GRAMD2B: variants seen among roughly 807,000 people sequenced by gnomAD.
GRAMD2B encodes the protein GRAM domain-containing protein 2B.
In GRAMD2B, 41 loss-of-function variants were observed where a neutral mutation model predicts 59.2. The observed-to-expected ratio is 0.69, with a 90% CI of 0.54 to 0.90. GRAMD2B has a LOEUF of 0.90. Among genes scored for constraint, GRAMD2B ranks in the 40% least tolerant of loss-of-function variants. The pLI, the probability that GRAMD2B is intolerant of heterozygous loss-of-function variation, is 0.00. For synonymous variants in GRAMD2B, 161 were observed against 182.7 expected, an observed-to-expected ratio of 0.88 and a Z score of 0.96; for missense variants, 424 against 500.5, an observed-to-expected ratio of 0.85 and a Z score of 1.46.
At chr5:126,411,862 T>TGTGTGTGTGTGTGTGTGTGTGTGTGTGTG (rs1580844089) in intron 1 of GRAMD2B, among the ~76,000 whole-genome samples, 1 of 32,258 alleles carries the variant, frequency 3.1e-5, no homozygotes, top group African/African-American at 1.1e-4. Flanking sequence ...GTGTGTGTGT[T>TGTGTGTGTGTGTGTGTGTGTGTGTGTGTG]TGTGTGTCTA....
chr5:126,379,220 G>A (rs1755454569), intron 1 of GRAMD2B, among the ~76,000 whole-genome samples: 2 of 152,056 alleles, frequency 1.3e-5, no homozygotes, highest in Non-Finnish European at 2.9e-5. Context: ...CCAGGTTGCT[G>A]CAAATGCCAT....
At chr5:126,402,051 T>C (rs1757884015) in intron 1 of GRAMD2B, among the ~76,000 whole-genome samples, 1 of 152,112 alleles carries the variant, frequency 6.6e-6, no homozygotes, top group African/African-American at 2.4e-5. Context: ...TTGTGACTGC[T>C]GAATTAGCCA....
intron 1 of GRAMD2B, among the ~76,000 whole-genome samples, chr5:126,411,925 G>A (rs1758838150): frequency 6.6e-6 from 1 of 151,552 alleles, no homozygotes; most frequent in Non-Finnish European, 1.5e-5. Flanking sequence ...CATCATTTGT[G>A]TATAGAAATG....
At chr5:126,425,279 GAA>G (rs1760415063) in intron 1 of GRAMD2B, among the ~76,000 whole-genome samples, 1 of 152,234 alleles carries the variant, frequency 6.6e-6, no homozygotes, top group African/African-American at 2.4e-5. Context: ...CACAAGATAC[GAA>G]ATCAATCTAA....
chr5:126,443,497 C>G (rs1763646885), intron 1 of GRAMD2B, among the ~76,000 whole-genome samples: 1 of 152,176 alleles, frequency 6.6e-6, no homozygotes, highest in Non-Finnish European at 1.5e-5. Flanking sequence ...AACAGGACCC[C>G]TGCAGACAAA....
At chr5:126,366,686 G>A (rs1754450484), upstream of GRAMD2B, among the ~76,000 whole-genome samples, 1 of 151,982 alleles carries the variant, frequency 6.6e-6, no homozygotes, top group South Asian at 2.1e-4. Context: ...CAGGCAACCT[G>A]ACCCCTAAAC....
intron 1 of GRAMD2B, among the ~76,000 whole-genome samples, chr5:126,431,588 G>T (rs1761577911): frequency 1.3e-5 from 2 of 152,142 alleles, no homozygotes; most frequent in South Asian, 4.2e-4. Flanking sequence ...TGATATCTGG[G>T]CCACCCTCTG....
upstream of GRAMD2B, among the ~76,000 whole-genome samples, chr5:126,370,484 T>A (rs1754692706): frequency 6.6e-6 from 1 of 152,222 alleles, no homozygotes; most frequent in Non-Finnish European, 1.5e-5. Flanking sequence ...AATCTTTCAC[T>A]GGTGCTAGTA....
chr5:126,361,378 T>G (rs1225934514), intron 1 of GRAMD2B, among the ~76,000 whole-genome samples: 1 of 152,106 alleles, frequency 6.6e-6, no homozygotes, highest in African/African-American at 2.4e-5. Flanking sequence ...GACTGGGCTT[T>G]GGATTCTACA....
At chr5:126,472,431 CAT>C (rs1314441394) in intron 4 of GRAMD2B, 127 bp downstream of exon 4, 7 of 674,142 alleles carry the variant, frequency 1.0e-5, no homozygotes, top group East Asian at 2.6e-5. Context: ...AAAGTAATAA[CAT>C]AACAATAACA....
At chr5:126,459,726 A>C (rs1047251718) in intron 1 of GRAMD2B, among the ~76,000 whole-genome samples, 2 of 152,252 alleles carry the variant, frequency 1.3e-5, no homozygotes, top group African/African-American at 4.8e-5. Flanking sequence ...TCACGATTAA[A>C]ATGATGATTG....
intron 1 of GRAMD2B, among the ~76,000 whole-genome samples, chr5:126,382,171 C>G (rs926694810): frequency 6.6e-6 from 1 of 152,068 alleles, no homozygotes; most frequent in Non-Finnish European, 1.5e-5. Context: ...TGTGCCTAGT[C>G]GATTATCTTT....
rs770496800 is a variant in GRAMD2B, at chr5:126,485,709, T to C, written c.994T>C (p.Leu332=). ...AGGTCTGTCAGAAACTGTTGGAATC[T>C]TACATAAAGTCAAGTCTCAGAAATG... ...VQGLSETVGI[L]HKVKSQKCPM... The change falls in exon 11 of 14, where the codon TTA becomes CTA. Residue 332 remains leucine, a synonymous_variant. Coordinates refer to ENST00000285689, the MANE Select transcript of GRAMD2B (RefSeq NM_023927.4). The C allele has an allele frequency of 1.9e-5, 31 of 1,612,420 alleles. No homozygotes were observed. The highest frequency in any genetic ancestry group is 2.6e-5 in the Non-Finnish European group (31 of 1,179,120).
At chr5:126,361,807 G>T (rs575279203) in intron 1 of GRAMD2B, among the ~76,000 whole-genome samples, 71 of 152,150 alleles carry the variant, frequency 4.7e-4, no homozygotes, top group Non-Finnish European at 8.7e-4. Context: ...TGTCTTTCCT[G>T]TCTGGGTTAA....
At chr5:126,361,372 G>A (rs1754208329) in intron 1 of GRAMD2B, among the ~76,000 whole-genome samples, 1 of 151,858 alleles carries the variant, frequency 6.6e-6, no homozygotes, top group Non-Finnish European at 1.5e-5. Flanking sequence ...CTTTCAGACT[G>A]GGCTTTGGAT....
At chr5:126,426,007 ATG>A (rs1760555362) in intron 1 of GRAMD2B, among the ~76,000 whole-genome samples, 1 of 152,092 alleles carries the variant, frequency 6.6e-6, no homozygotes, top group Non-Finnish European at 1.5e-5. Flanking sequence ...TAAATTTCAA[ATG>A]TCTCACCATA....
intron 1 of GRAMD2B, among the ~76,000 whole-genome samples, chr5:126,430,545 C>G (rs1321633095): frequency 6.6e-6 from 1 of 152,160 alleles, no homozygotes; most frequent in African/African-American, 2.4e-5. Flanking sequence ...CAGCTCTAGG[C>G]AATCACTACC....
chr5:126,428,729 G>T (rs34401600), intron 1 of GRAMD2B, among the ~76,000 whole-genome samples: 29,514 of 152,004 alleles, frequency 0.19, 3,112 homozygotes, highest in Non-Finnish European at 0.24. Flanking sequence ...AATGGGAAAT[G>T]TAAGAACAGA....
rs1012334488 is a variant in GRAMD2B at position 126,493,508 on chromosome 5, G to C, written c.*552G>C. On this transcript the variant is annotated 3_prime_UTR_variant, in exon 14 of 14. Coordinates refer to ENST00000285689, the MANE Select transcript of GRAMD2B (RefSeq NM_023927.4). ...TTTTCAGTTCTCCTGTTATGTTCTG[G>C]TTGAAATCACCTGTGTGTCTTAATT... 1 of 152,252 alleles carries C rather than the reference G, an allele frequency of 6.6e-6. No individual in the cohort carries two copies. Among genetic ancestry groups the C allele is most frequent in the African/African-American group, 2.4e-5 (1 of 41,394 alleles). 9.4% of individuals were successfully genotyped at this position (152,252 alleles called of 1,614,324 possible).
Sources: allele counts gnomAD v4.1 joint callset (sites outside exome capture counted in the v4.1 genomes callset), GRCh38; gene constraint gnomAD v4.1.1; transcripts MANE v1.5; gene names NCBI Gene and HGNC (gene_info 2026-07-23, HGNC 2026-07-21).